Variants in EYS observed in about 807,000 individuals in gnomAD.
The protein encoded by EYS is EGF-like photoreceptor maintenance factor, also known as protein eyes shut homolog.
In EYS, 250 loss-of-function variants were observed where a neutral mutation model predicts 282.1. That is an observed-to-expected ratio of 0.89 (90% confidence interval 0.80 to 0.98). The LOEUF (loss-of-function observed/expected upper bound fraction) is 0.98. Ranked by LOEUF, EYS falls within the 50% of genes least tolerant of loss-of-function variation. The pLI, the probability that EYS is intolerant of heterozygous loss-of-function variation, is 0.00. For synonymous variants in EYS, 1,355 were observed against 1,282.9 expected, an observed-to-expected ratio of 1.06 and a Z score of -1.20; for missense variants, 4,016 against 3,709.0, an observed-to-expected ratio of 1.08 and a Z score of -2.15.
chr6:65,515,511 A>C (rs902776432), intron 2 of EYS, among the ~76,000 whole-genome samples: 5 of 151,636 alleles, frequency 3.3e-5, no homozygotes, highest in African/African-American at 1.2e-4. Flanking sequence ...TTGCGGCACT[A>C]TTCACAATAG....
rs565985176 is a variant in EYS at position 65,646,697 on chromosome 6, A to C, written c.-447-6805T>G. Among the ~76,000 whole-genome samples the C allele has an allele frequency of 3.3e-5, 5 of 152,242 alleles. No homozygotes were observed. In the South Asian group the frequency reaches 8.3e-4, roughly 25 times the overall value. On this transcript the variant is annotated intron_variant, in intron 1 of 42. Coordinates refer to ENST00000503581, the MANE Select transcript of EYS (RefSeq NM_001142800.2). ...AGAGCAATCAGACCAGAAAGAGATA[A>C]AAGACATCCAATTTGGTAAAGAGGA... is the stretch of plus-strand genomic sequence containing the variant.
chr6:64,348,242 T>C (rs1247808042), intron 29 of EYS, among the ~76,000 whole-genome samples: 1 of 151,474 alleles, frequency 6.6e-6, no homozygotes, highest in African/African-American at 2.4e-5. Flanking sequence ...ATTGATTCTG[T>C]TTACTATTTT....
chr6:65,195,930 C>T (rs12197071), intron 12 of EYS, among the ~76,000 whole-genome samples: 8,780 of 152,012 alleles, frequency 0.058, 290 homozygotes, highest in Middle Eastern at 0.088. Flanking sequence ...ATCTCAGAGA[C>T]CTAGCTCCAA....
At chr6:64,331,062 G>C (rs1033712933) in intron 29 of EYS, among the ~76,000 whole-genome samples, 1 of 152,136 alleles carries the variant, frequency 6.6e-6, no homozygotes, top group Admixed American at 6.5e-5. Context: ...ATATGCAGTG[G>C]TAACACTGAA....
At chr6:65,704,015 G>A (rs1769779058) in intron 1 of EYS, among the ~76,000 whole-genome samples, 1 of 152,042 alleles carries the variant, frequency 6.6e-6, no homozygotes, top group Admixed American at 6.6e-5. Context: ...GTGAAAAGAA[G>A]AGCCATGGAA....
intron 12 of EYS, among the ~76,000 whole-genome samples, chr6:65,141,244 A>C (rs1400979732): frequency 6.6e-6 from 1 of 152,106 alleles, no homozygotes; most frequent in Admixed American, 6.6e-5. Context: ...TCACAAGGAC[A>C]AAAAACCAAA....
intron 14 of EYS, among the ~76,000 whole-genome samples, chr6:64,946,175 C>A (rs973387828): frequency 6.6e-6 from 1 of 151,914 alleles, no homozygotes; most frequent in African/African-American, 2.4e-5. Flanking sequence ...ATTATGCTCA[C>A]AATGTAGAAT....
At chr6:63,963,774 T>C (rs1024773419) in intron 35 of EYS, among the ~76,000 whole-genome samples, 2 of 152,222 alleles carry the variant, frequency 1.3e-5, no homozygotes, top group Non-Finnish European at 2.9e-5. Flanking sequence ...TTTCAGTAGC[T>C]TTAATTTCAT....
At chr6:64,936,961 T>G (rs1768927359) in intron 15 of EYS, among the ~76,000 whole-genome samples, 1 of 151,424 alleles carries the variant, frequency 6.6e-6, no homozygotes, top group Non-Finnish European at 1.5e-5. Context: ...GGTATTAGAA[T>G]AAAGATAAAT....
At chr6:64,015,376 C>T (rs529529953) in intron 33 of EYS, among the ~76,000 whole-genome samples, 8 of 152,178 alleles carry the variant, frequency 5.3e-5, no homozygotes, top group Non-Finnish European at 1.2e-4. Flanking sequence ...TTGCAAGGCT[C>T]ATAGGCTCAA....
At chr6:64,301,059 G>A (rs1469976343) in intron 30 of EYS, among the ~76,000 whole-genome samples, 1 of 152,152 alleles carries the variant, frequency 6.6e-6, no homozygotes, top group African/African-American at 2.4e-5. Context: ...CTGTCATAAA[G>A]AATACACAGT....
At position 65,138,107 on chromosome 6, in the gene EYS, AC is replaced by A. The variant is rs112779795; in HGVS notation, c.2024-80381del. ...AATATCACCTGAGGCCAAGGACAGT[AC>A]CGATATCAATGAAAGATTTCAATGA... On this transcript the variant is annotated intron_variant, in intron 12 of 42. Transcript: ENST00000503581. Among the ~76,000 whole-genome samples, 712 of 152,244 alleles carry A rather than the reference AC, an allele frequency of 4.7e-3. 4 individuals are homozygous for A. Among genetic ancestry groups the A allele is most frequent in the African/African-American group, 0.015 (629 of 41,570 alleles).
At chr6:64,395,046 G>A (rs1036524650) in intron 28 of EYS, among the ~76,000 whole-genome samples, 11 of 152,152 alleles carry the variant, frequency 7.2e-5, no homozygotes, top group Admixed American at 6.5e-4. Flanking sequence ...CATCATCACT[G>A]GCCATCAGAG....
At chr6:63,811,779 C>G (rs950650438) in intron 36 of EYS, among the ~76,000 whole-genome samples, 11 of 152,284 alleles carry the variant, frequency 7.2e-5, no homozygotes, top group Admixed American at 7.2e-4. Context: ...CCTTTGCAAT[C>G]AAATCTGTTT....
At chr6:64,056,500 C>G (rs761347765) in intron 33 of EYS, among the ~76,000 whole-genome samples, 1 of 152,292 alleles carries the variant, frequency 6.6e-6, no homozygotes, top group East Asian at 1.9e-4. Context: ...TAATCCCATT[C>G]TAAGAGGCTA....
chr6:65,121,846 A>G (rs1446215297), intron 12 of EYS, among the ~76,000 whole-genome samples: 1 of 152,138 alleles, frequency 6.6e-6, no homozygotes, highest in Non-Finnish European at 1.5e-5. Flanking sequence ...CAATTTACTT[A>G]GGTTATTTTC....
At chr6:64,857,779 CTT>C (rs1562228606) in intron 19 of EYS, among the ~76,000 whole-genome samples, 1 of 151,968 alleles carries the variant, frequency 6.6e-6, no homozygotes, top group Non-Finnish European at 1.5e-5. Flanking sequence ...GGTTCTCTTT[CTT>C]TTTTGTTTTA....
chr6:64,463,832 G>T (rs749842808), intron 26 of EYS, among the ~76,000 whole-genome samples: 2 of 152,056 alleles, frequency 1.3e-5, no homozygotes, highest in African/African-American at 2.4e-5. Context: ...CCCGCTGATG[G>T]CTTCACTGCT....
intron 31 of EYS, among the ~76,000 whole-genome samples, chr6:64,182,924 G>T (rs1764830017): frequency 1.3e-5 from 2 of 152,022 alleles, no homozygotes; most frequent in Non-Finnish European, 2.9e-5. Flanking sequence ...CAGCACTTTT[G>T]CAGGGATCTT....
Sources: allele counts gnomAD v4.1 joint callset (sites outside exome capture counted in the v4.1 genomes callset), GRCh38; gene constraint gnomAD v4.1.1; transcripts MANE v1.5; gene names NCBI Gene and HGNC (gene_info 2026-07-23, HGNC 2026-07-21).